The following ADAMTSL1 variants were observed in gnomAD, a reference collection of about 807,000 sequenced individuals.
ADAMTSL1 encodes ADAMTS-like protein 1.
ADAMTSL1 carries 126 observed loss-of-function variants against 201.8 expected under a neutral mutation model. That is an observed-to-expected ratio of 0.62 (90% confidence interval 0.54 to 0.72). The LOEUF is 0.72. Among genes scored for constraint, ADAMTSL1 ranks in the 30% least tolerant of loss-of-function variants. The pLI is 0.00. For missense variants in ADAMTSL1, 2,679 were observed against 2,277.8 expected, an observed-to-expected ratio of 1.18 and a Z score of -3.59; for synonymous variants, 1,121 against 903.4, an observed-to-expected ratio of 1.24 and a Z score of -4.32.
At chr9:18,185,290 A>G (rs183523052) in intron 2 of ADAMTSL1, among the ~76,000 whole-genome samples, 1 of 152,122 alleles carries the variant, frequency 6.6e-6, no homozygotes, top group East Asian at 1.9e-4. Context: ...TCTCCTTCCT[A>G]CTGGCTTTGA....
At chr9:18,279,391 A>C (rs1479301088) in intron 2 of ADAMTSL1, among the ~76,000 whole-genome samples, 1 of 151,472 alleles carries the variant, frequency 6.6e-6, no homozygotes, top group Non-Finnish European at 1.5e-5. Flanking sequence ...TGAATTATCT[A>C]AGTTTGTGGA....
At chr9:18,648,191 C>T (rs1381913928) in intron 7 of ADAMTSL1, among the ~76,000 whole-genome samples, 1 of 137,514 alleles carries the variant, frequency 7.3e-6, no homozygotes, top group Non-Finnish European at 1.6e-5. Flanking sequence ...TCTGTTTTGT[C>T]AGAGACTAGG....
chr9:18,877,245 T>G (rs551354091), intron 23 of ADAMTSL1, among the ~76,000 whole-genome samples: 1 of 152,332 alleles, frequency 6.6e-6, no homozygotes, highest in Non-Finnish European at 1.5e-5. Flanking sequence ...CTCTGGCAAC[T>G]CAGAGATTTC....
intron 2 of ADAMTSL1, among the ~76,000 whole-genome samples, chr9:18,204,582 A>G (rs763931710): frequency 1.2e-4 from 18 of 152,186 alleles, no homozygotes; most frequent in Admixed American, 1.2e-3. Context: ...TTTCATGCCC[A>G]GCATGTTTAT....
chr9:18,306,730 A>C (rs1833922807), intron 2 of ADAMTSL1, among the ~76,000 whole-genome samples: 1 of 152,208 alleles, frequency 6.6e-6, no homozygotes, highest in Non-Finnish European at 1.5e-5. Context: ...GGTGTACCTG[A>C]AAGTGATGGG....
intron 16 of ADAMTSL1, among the ~76,000 whole-genome samples, chr9:18,769,403 A>G (rs965314093): frequency 6.6e-6 from 1 of 152,208 alleles, no homozygotes; most frequent in Non-Finnish European, 1.5e-5. Flanking sequence ...AAAATTTTAC[A>G]ATAAAATATC....
At chr9:18,135,788 G>A (rs1248678013) in intron 1 of ADAMTSL1, among the ~76,000 whole-genome samples, 1 of 151,962 alleles carries the variant, frequency 6.6e-6, no homozygotes, top group Non-Finnish European at 1.5e-5. Context: ...TCTGAGGATT[G>A]CTCTGTGGAT....
intron 23 of ADAMTSL1, among the ~76,000 whole-genome samples, chr9:18,856,439 T>G (rs1826851520): frequency 6.6e-6 from 1 of 151,118 alleles, no homozygotes; most frequent in African/African-American, 2.4e-5. Context: ...ATAAACTGGT[T>G]GTTGCCAAAT....
chr9:18,415,712 G>A lies in ADAMTSL1; in HGVS notation c.208-89117G>A, dbSNP rs1285677338. 2.0e-5 allele frequency among the ~76,000 whole-genome samples: 3 copies of A among 151,608 alleles called. No homozygotes were observed. The South Asian group carries it at 6.2e-4, about 32-fold the overall frequency. On this transcript the variant is annotated intron_variant, in intron 2 of 29. Transcript: ENST00000680146. ...ATTCAAGAATCTCAACAAACTCTAA[G>A]GACAAAAAACATGAAGGAAGCTACA...
intron 23 of ADAMTSL1, among the ~76,000 whole-genome samples, chr9:18,887,218 T>C (rs1011901916): frequency 8.5e-5 from 13 of 152,264 alleles, no homozygotes; most frequent in African/African-American, 3.1e-4. Context: ...GAGTTTATTA[T>C]ATCAAAATAT....
At chr9:18,169,427 G>A (rs1286015262) in intron 2 of ADAMTSL1, among the ~76,000 whole-genome samples, 2 of 152,108 alleles carry the variant, frequency 1.3e-5, no homozygotes, top group Non-Finnish European at 2.9e-5. Context: ...CCAAAGATCA[G>A]ATAGTTGTAG....
intron 1 of ADAMTSL1, among the ~76,000 whole-genome samples, chr9:18,123,278 C>A (rs1178499850): frequency 6.6e-6 from 1 of 152,120 alleles, no homozygotes; most frequent in Non-Finnish European, 1.5e-5. Flanking sequence ...CACAAGTTGG[C>A]TGAAAATCAT....
chr9:18,281,712 C>T (rs1477951052), intron 2 of ADAMTSL1, among the ~76,000 whole-genome samples: 2 of 152,104 alleles, frequency 1.3e-5, no homozygotes, highest in Non-Finnish European at 2.9e-5. Flanking sequence ...TGTTTGTGTC[C>T]ATGTTCAATT....
At chr9:18,617,507 G>C (rs1825768761) in intron 4 of ADAMTSL1, among the ~76,000 whole-genome samples, 1 of 149,664 alleles carries the variant, frequency 6.7e-6, no homozygotes, top group Non-Finnish European at 1.5e-5. Context: ...TGGCAGGGGG[G>C]AGGGGGCTGG....
At chr9:18,135,013 C>G (rs1398158285) in intron 1 of ADAMTSL1, among the ~76,000 whole-genome samples, 4 of 152,118 alleles carry the variant, frequency 2.6e-5, no homozygotes, top group Non-Finnish European at 5.9e-5. Flanking sequence ...CGGGATCAGA[C>G]AAGGGAATCA....
intron 2 of ADAMTSL1, among the ~76,000 whole-genome samples, chr9:18,174,467 T>C (rs1426826175): frequency 6.6e-6 from 1 of 152,106 alleles, no homozygotes; most frequent in East Asian, 1.9e-4. Flanking sequence ...TCTGGAATCA[T>C]ATGATCAAAA....
At chr9:18,591,008 G>A (rs1268313943) in intron 4 of ADAMTSL1, among the ~76,000 whole-genome samples, 2 of 152,140 alleles carry the variant, frequency 1.3e-5, no homozygotes, top group Admixed American at 6.6e-5. Context: ...TTCTGTAGCA[G>A]TTGGATGAAA....
At chr9:18,461,496 T>G (rs1397605504) in intron 2 of ADAMTSL1, among the ~76,000 whole-genome samples, 1 of 152,170 alleles carries the variant, frequency 6.6e-6, no homozygotes, top group Non-Finnish European at 1.5e-5. Flanking sequence ...ATATTATGGT[T>G]GATAGACATG....
intron 7 of ADAMTSL1, among the ~76,000 whole-genome samples, chr9:18,650,414 G>A (rs917439614): frequency 1.3e-5 from 2 of 152,026 alleles, no homozygotes; most frequent in African/African-American, 4.8e-5. Flanking sequence ...TGCACCCACT[G>A]TCTGGCACTC....
Sources: allele counts gnomAD v4.1 joint callset (sites outside exome capture counted in the v4.1 genomes callset), GRCh38; gene constraint gnomAD v4.1.1; transcripts MANE v1.5; gene names NCBI Gene and HGNC (gene_info 2026-07-23, HGNC 2026-07-21).